LZTFL1: variants seen among roughly 807,000 people sequenced by gnomAD.
LZTFL1 encodes the protein leucine zipper transcription factor-like protein 1.
LZTFL1 carries 25 observed loss-of-function variants against 45.9 expected under a neutral mutation model. That is an observed-to-expected ratio of 0.54 (90% confidence interval 0.40 to 0.76). The LOEUF is 0.76. Ranked by LOEUF, LZTFL1 falls within the 30% of genes least tolerant of loss-of-function variation. The pLI is 0.00. For missense variants in LZTFL1, 277 were observed against 331.1 expected (o/e 0.84, Z 1.27); for synonymous variants, 93 against 117.4 (o/e 0.79, Z 1.35).
intron 7 of LZTFL1, 136 bp downstream of exon 7, chr3:45,830,777 A>G (rs1700791868): frequency 1.4e-6 from 1 of 736,498 alleles, no homozygotes; most frequent in South Asian, 1.8e-5. Flanking sequence ...GAATGTCCCA[A>G]CACATGACAA....
chr3:45,887,243 G>A (rs1030630689), intron 2 of LZTFL1, among the ~76,000 whole-genome samples: 29 of 118,336 alleles, frequency 2.5e-4, no homozygotes, highest in Non-Finnish European at 3.5e-4. Flanking sequence ...TATTAAGTGC[G>A]TGTGTGTCTG....
chr3:45,835,382 A>T (rs1477308032), intron 3 of LZTFL1: 1 of 511,874 alleles, frequency 2.0e-6, no homozygotes, highest in Non-Finnish European at 3.4e-6. Flanking sequence ...GGCCTTTGTA[A>T]TACCTAGGAA....
chr3:45,845,456 T>C (rs776834988), upstream of LZTFL1, among the ~76,000 whole-genome samples: 1 of 151,676 alleles, frequency 6.6e-6, no homozygotes, highest in Non-Finnish European at 1.5e-5. Context: ...TTAACAGGAG[T>C]GTGGAAAAGT....
In LZTFL1 at chr3:45,901,585, C is replaced by T. The variant is rs1702559828; in HGVS notation, c.-215+11535G>A. Reference sequence around the variant, plus strand: ...ACTGTCCTGACCGTCTTTGTCTTGTCTCAGTTTCCCTACAACTGCATTTTG... The same window carrying T: ...ACTGTCCTGACCGTCTTTGTCTTGTTTCAGTTTCCCTACAACTGCATTTTG... On this transcript the variant is annotated intron_variant, in intron 2 of 4. Transcript: ENST00000472635. The surrounding 1 kb of genome is among the most constrained non-coding windows in gnomAD (Gnocchi z 4.3). The T allele has an allele frequency of 6.2e-7, 1 of 1,614,196 alleles. No homozygotes were observed. Among genetic ancestry groups the T allele is most frequent in the Admixed American group, 1.7e-5 (1 of 60,028 alleles).
chr3:45,878,456 G>A (rs1701790461), intron 2 of LZTFL1, among the ~76,000 whole-genome samples: 1 of 152,166 alleles, frequency 6.6e-6, no homozygotes, highest in Non-Finnish European at 1.5e-5. Flanking sequence ...TATAGGGCCA[G>A]GGACAGGGCA....
intron 2 of LZTFL1, among the ~76,000 whole-genome samples, chr3:45,882,309 T>C (rs1206992865): frequency 1.3e-5 from 2 of 152,250 alleles, no homozygotes; most frequent in Non-Finnish European, 2.9e-5. Context: ...CCTGCACTGA[T>C]CATAATGTCA....
intron 2 of LZTFL1, among the ~76,000 whole-genome samples, chr3:45,869,180 G>A (rs1350065738): frequency 6.6e-6 from 1 of 152,192 alleles, no homozygotes; most frequent in Non-Finnish European, 1.5e-5. Context: ...GATCACCACT[G>A]GCATTGCTCA....
intron 2 of LZTFL1, among the ~76,000 whole-genome samples, chr3:45,905,641 A>T (rs1702665378): frequency 6.6e-6 from 1 of 152,212 alleles, no homozygotes; most frequent in African/African-American, 2.4e-5. Flanking sequence ...TGCCCAAGCC[A>T]GGCCTTCCCA....
At chr3:45,890,246 C>G (rs1702106207) in intron 2 of LZTFL1, among the ~76,000 whole-genome samples, 1 of 16,994 alleles carries the variant, frequency 5.9e-5, no homozygotes, top group Non-Finnish European at 1.4e-4. Flanking sequence ...GACATAAGCC[C>G]TGGGTATTAG....
At chr3:45,914,617 ACCT>A (rs1386949491) in intron 1 of LZTFL1, among the ~76,000 whole-genome samples, 5 of 152,146 alleles carry the variant, frequency 3.3e-5, no homozygotes, top group African/African-American at 1.2e-4. Flanking sequence ...AAGCAAGAGA[ACCT>A]TCTCCTAAGA....
chr3:45,836,077 T>C (rs1263590892), intron 2 of LZTFL1, among the ~76,000 whole-genome samples: 1 of 152,186 alleles, frequency 6.6e-6, no homozygotes, highest in Non-Finnish European at 1.5e-5. Context: ...TTAAATGTCT[T>C]ATTTCAAACT....
At chr3:45,888,204 C>G (rs2125737019) in intron 2 of LZTFL1, among the ~76,000 whole-genome samples, 1 of 152,300 alleles carries the variant, frequency 6.6e-6, no homozygotes, top group South Asian at 2.1e-4. Flanking sequence ...TGCACATACC[C>G]CATGCTTTCT....
In LZTFL1 at chr3:45,823,388, A is replaced by AG. The variant is rs1277062895; in HGVS notation, c.*2925dup. The AG allele has an allele frequency of 6.6e-6, 1 of 152,224 alleles. No individual in the cohort carries two copies. Among genetic ancestry groups the AG allele is most frequent in the Non-Finnish European group, 1.5e-5 (1 of 68,040 alleles). 9.4% of individuals were successfully genotyped at this position (152,224 alleles called of 1,614,324 possible). Reference sequence around the variant, plus strand: ...TGTATTATAGGCAAAAAAGAGAGGAAGTTATACTTCATATAATGTAAGAGA... The same window carrying AG: ...TGTATTATAGGCAAAAAAGAGAGGAAGGTTATACTTCATATAATGTAAGAGA... On this transcript the variant is annotated 3_prime_UTR_variant, in exon 10 of 10. Transcript: ENST00000296135.
chr3:45,915,634 T>C (rs1194908266), exon 1 of LZTFL1: 1 of 389,882 alleles, frequency 2.6e-6, no homozygotes, highest in Non-Finnish European at 5.2e-6. Context: ...GTTTTGTTCA[T>C]TTTTTAGCTA....
chr3:45,851,060 C>G (rs1490846353), intron 4 of LZTFL1, among the ~76,000 whole-genome samples: 1 of 152,098 alleles, frequency 6.6e-6, no homozygotes, highest in Non-Finnish European at 1.5e-5. Flanking sequence ...ACTTCAGGAC[C>G]TGTCTGCTCC....
Position 45,842,088 on chromosome 3 carries a change from G to A in LZTFL1, c.-97C>T. On this transcript the variant is annotated 5_prime_UTR_variant, in exon 1 of 10. Transcript: ENST00000296135. ...CGAGGGTAGTTGGACCACAGAAAAT[G>A]GGGAAGGAGGGTAGGTTGTTTAGAA... 10 of 1,568,700 alleles carry A rather than the reference G, an allele frequency of 6.4e-6. No homozygotes were observed. Among genetic ancestry groups the A allele is most frequent in the Non-Finnish European group, 8.6e-6 (10 of 1,159,584 alleles).
Position 45,824,966 on chromosome 3 carries a change from G to A in LZTFL1, c.*1348C>T, listed in dbSNP as rs1448374580. The A allele has an allele frequency of 2.5e-6, 1 of 398,074 alleles. No individual in the cohort carries two copies. The highest frequency in any genetic ancestry group is 4.4e-6 in the Non-Finnish European group (1 of 225,802). The allele number at this position is 398,074 out of a possible 1,614,324, so 24.7% of individuals were successfully genotyped here. A position where few individuals can be genotyped will look rare whatever the true frequency, so the allele number is the denominator to read the frequency against. ...TTCTCTCATCCATTCATCTTCTTAAGACTGCCTTCTGTGTCCTTTTGCAGG... is the reference window on the plus strand; with the variant it reads ...TTCTCTCATCCATTCATCTTCTTAAAACTGCCTTCTGTGTCCTTTTGCAGG... On this transcript the variant is annotated 3_prime_UTR_variant, in exon 10 of 10. Coordinates refer to ENST00000296135, the MANE Select transcript of LZTFL1 (RefSeq NM_020347.4).
intron 2 of LZTFL1, among the ~76,000 whole-genome samples, 181 bp from the exon 3 acceptor site, chr3:45,835,965 T>C (rs769781397): frequency 1.2e-4 from 18 of 152,218 alleles, no homozygotes; most frequent in Middle Eastern, 3.2e-3. Context: ...TCAATTAATT[T>C]TTGACATCTA....
intron 2 of LZTFL1, among the ~76,000 whole-genome samples, chr3:45,896,851 T>G (rs1036808222): frequency 2.0e-5 from 3 of 152,220 alleles, no homozygotes; most frequent in Non-Finnish European, 4.4e-5. Context: ...ATGGAAGCCT[T>G]GGCAAGCACA....
Sources: allele counts gnomAD v4.1 joint callset (sites outside exome capture counted in the v4.1 genomes callset), GRCh38; gene constraint gnomAD v4.1.1; non-coding constraint Gnocchi (gnomAD v3.1); transcripts MANE v1.5; gene names NCBI Gene and HGNC (gene_info 2026-07-23, HGNC 2026-07-21).